The following TBC1D32 variants were observed in gnomAD, a reference collection of about 807,000 sequenced individuals.
The protein encoded by TBC1D32 is protein broad-minded.
In TBC1D32, 151 loss-of-function variants were observed where a neutral mutation model predicts 170.3. The ratio of observed to expected loss-of-function variants is 0.89; its 90% CI spans 0.78 to 1.01. The LOEUF (loss-of-function observed/expected upper bound fraction) is 1.01. TBC1D32 is among the 50% of genes least tolerant of loss of function. TBC1D32 has a pLI of 0.00. For synonymous variants in TBC1D32, 498 were observed against 488.0 expected (o/e 1.02, Z -0.27); for missense variants, 1,464 against 1,457.1 (o/e 1.00, Z -0.08).
intron 31 of TBC1D32, among the ~76,000 whole-genome samples, chr6:121,085,210 C>CATATATATACACAT: frequency 6.8e-6 from 1 of 147,360 alleles, no homozygotes; most frequent in East Asian, 2.0e-4. Context: ...TATATATACA[C>CATATATATACACAT]ATATATATAC....
intron 24 of TBC1D32, among the ~76,000 whole-genome samples, chr6:121,153,190 G>T (rs1784424997): frequency 1.3e-5 from 2 of 151,830 alleles, no homozygotes; most frequent in Admixed American, 1.3e-4. Flanking sequence ...GTTTTTGCGT[G>T]GTCCTTCTTG....
chr6:121,098,655 G>T (rs1777690668), intron 30 of TBC1D32, among the ~76,000 whole-genome samples: 1 of 151,960 alleles, frequency 6.6e-6, no homozygotes, highest in Admixed American at 6.6e-5. Context: ...TACCTTTAAA[G>T]ATCTTCAACT....
In TBC1D32 at chr6:121,160,129, T is replaced by G. The variant is rs190337054; in HGVS notation, c.2680-26A>C. The G allele has an allele frequency of 1.2e-5, 16 of 1,380,444 alleles. No homozygotes were observed. In the African/African-American group the frequency reaches 2.1e-4, roughly 19 times the overall value. The allele number at this position is 1,380,444 out of a possible 1,614,324, so 85.5% of individuals were successfully genotyped here. A position where few individuals can be genotyped will look rare whatever the true frequency, so the allele number is the denominator to read the frequency against. ...CTAAAAAAGAAGCAAGACAGATGAC[T>G]TTAGGAAGTGGTCTAAAATAATATT... On this transcript the variant is annotated intron_variant, in intron 23 of 31. Coordinates refer to ENST00000398212, the MANE Select transcript of TBC1D32 (RefSeq NM_152730.6).
At chr6:121,231,004 G>C (rs1316575987) in intron 20 of TBC1D32, among the ~76,000 whole-genome samples, 2 of 152,174 alleles carry the variant, frequency 1.3e-5, no homozygotes, top group East Asian at 3.9e-4. Flanking sequence ...TGTCCTCATA[G>C]CTTAGCTCAC....
intron 20 of TBC1D32, among the ~76,000 whole-genome samples, chr6:121,231,508 T>C (rs1357043698): frequency 1.3e-5 from 2 of 152,188 alleles, no homozygotes; most frequent in East Asian, 1.9e-4. Context: ...CTGTTTCCCA[T>C]AGTGGTTATA....
At chr6:121,256,917 C>A (rs1360251961) in intron 15 of TBC1D32, among the ~76,000 whole-genome samples, 1 of 152,022 alleles carries the variant, frequency 6.6e-6, no homozygotes, top group Non-Finnish European at 1.5e-5. Context: ...GGTGATAAAC[C>A]CGCCTCAGCC....
intron 11 of TBC1D32, among the ~76,000 whole-genome samples, chr6:121,293,741 C>A (rs1339048770): frequency 6.6e-6 from 1 of 152,038 alleles, no homozygotes; most frequent in Non-Finnish European, 1.5e-5. Flanking sequence ...GAAACCCCAT[C>A]TCTACTAAAA....
intron 31 of TBC1D32, among the ~76,000 whole-genome samples, chr6:121,089,979 G>A (rs895332170): frequency 2.9e-4 from 44 of 151,480 alleles, no homozygotes; most frequent in Admixed American, 1.6e-3. Flanking sequence ...TGTCCCCCAG[G>A]CTGGAGTGCA....
chr6:121,082,522 A>G (rs1360436996), intron 31 of TBC1D32, among the ~76,000 whole-genome samples: 1 of 152,016 alleles, frequency 6.6e-6, no homozygotes, highest in African/African-American at 2.4e-5. Context: ...TTCTAACCAG[A>G]GACTAAAGAT....
At chr6:121,327,049 C>T (rs1174594974) in intron 1 of TBC1D32, among the ~76,000 whole-genome samples, 1 of 152,102 alleles carries the variant, frequency 6.6e-6, no homozygotes, top group Non-Finnish European at 1.5e-5. Flanking sequence ...AATGAAGCTG[C>T]TATTCTATAA....
At chr6:121,240,385 T>TA (rs1554282365) in intron 19 of TBC1D32, among the ~76,000 whole-genome samples, 2 of 142,750 alleles carry the variant, frequency 1.4e-5, no homozygotes, top group African/African-American at 5.1e-5. Flanking sequence ...TTTTTTTTTT[T>TA]ACCAAGAAAC....
chr6:121,106,816 C>T (rs1778733975), intron 29 of TBC1D32, among the ~76,000 whole-genome samples: 1 of 151,904 alleles, frequency 6.6e-6, no homozygotes, highest in South Asian at 2.1e-4. Context: ...TTGATAGTTA[C>T]TTATATATAT....
At chr6:121,333,795 G>T (rs545033526) in intron 1 of TBC1D32, among the ~76,000 whole-genome samples, 1 of 152,274 alleles carries the variant, frequency 6.6e-6, no homozygotes, top group Non-Finnish European at 1.5e-5. Flanking sequence ...GGCCGGGCGC[G>T]GTGGCTCACG....
intron 31 of TBC1D32, among the ~76,000 whole-genome samples, chr6:121,089,746 T>C (rs771232266): frequency 6.6e-6 from 1 of 152,102 alleles, no homozygotes; most frequent in African/African-American, 2.4e-5. Flanking sequence ...AAGAAAAATA[T>C]CGTTAAATGG....
chr6:121,295,802 T>C (rs932383359), intron 10 of TBC1D32, among the ~76,000 whole-genome samples: 13 of 152,186 alleles, frequency 8.5e-5, no homozygotes, highest in African/African-American at 2.9e-4. Context: ...TTCTTTCTTA[T>C]GGCCTCAGTT....
At chr6:121,272,886 G>T (rs9490153) in intron 15 of TBC1D32, among the ~76,000 whole-genome samples, 1,799 of 152,224 alleles carry the variant, frequency 0.012, 37 homozygotes, top group African/African-American at 0.042. Flanking sequence ...TAGACTGGAT[G>T]AAGAAAATGT....
At chr6:121,187,693 G>A (rs1055820077) in intron 22 of TBC1D32, among the ~76,000 whole-genome samples, 9 of 144,234 alleles carry the variant, frequency 6.2e-5, no homozygotes, top group Non-Finnish European at 1.2e-4. Flanking sequence ...ACCCACAAGA[G>A]AGAAAAGAAA....
chr6:121,196,490 G>A (rs1790754928), intron 22 of TBC1D32, among the ~76,000 whole-genome samples: 1 of 152,216 alleles, frequency 6.6e-6, no homozygotes, highest in African/African-American at 2.4e-5. Context: ...ACTTACTCCA[G>A]ATATGGGTTT....
chr6:121,149,914 G>C (rs1400779167), intron 24 of TBC1D32, among the ~76,000 whole-genome samples: 1 of 152,142 alleles, frequency 6.6e-6, no homozygotes, highest in Non-Finnish European at 1.5e-5. Context: ...CCATTCGTTT[G>C]TGTCCTCTCT....
Sources: allele counts gnomAD v4.1 joint callset (sites outside exome capture counted in the v4.1 genomes callset), GRCh38; gene constraint gnomAD v4.1.1; transcripts MANE v1.5; gene names NCBI Gene and HGNC (gene_info 2026-07-23, HGNC 2026-07-21).